The following ZNF850 variants were observed in gnomAD, a reference collection of about 807,000 sequenced individuals.
ZNF850 encodes zinc finger protein 850, also known as putative zinc finger protein ENSP00000330994.
A neutral mutation model predicts 11.9 loss-of-function variants in ZNF850; 2 were observed. The observed-to-expected ratio is 0.17, with a 90% confidence interval of 0.07 to 0.53. ZNF850 has a LOEUF of 0.53. Ranked by LOEUF, ZNF850 falls within the 20% of genes least tolerant of loss-of-function variation. The pLI is 0.94. For missense variants in ZNF850, 1,014 were observed against 1,316.4 expected (o/e 0.77, Z 3.55); for synonymous variants, 381 against 443.0 (o/e 0.86, Z 1.76).
intron 4 of ZNF850, among the ~76,000 whole-genome samples, chr19:36,754,436 A>G (rs1001674005): frequency 6.6e-6 from 1 of 152,216 alleles, no homozygotes; most frequent in Non-Finnish European, 1.5e-5. Flanking sequence ...TTCATTCACC[A>G]AAAAGATATA....
intron 4 of ZNF850, among the ~76,000 whole-genome samples, chr19:36,755,750 T>C (rs1476621635): frequency 6.7e-6 from 1 of 149,244 alleles, no homozygotes; most frequent in Non-Finnish European, 1.5e-5. Flanking sequence ...GGAAATCACA[T>C]GAAGAAAAAA....
intron 1 of ZNF850, 138 bp from the exon 2 acceptor site, chr19:36,762,813 A>T: frequency 1.7e-6 from 1 of 584,242 alleles, no homozygotes; most frequent in Admixed American, 3.3e-5. Flanking sequence ...TACTATTTAC[A>T]ACAAAAGCTT....
intron 4 of ZNF850, among the ~76,000 whole-genome samples, chr19:36,753,634 C>G (rs1040508505): frequency 6.6e-6 from 1 of 150,832 alleles, no homozygotes; most frequent in South Asian, 2.1e-4. Flanking sequence ...ATAATAAGAA[C>G]AAAATGGACA....
At position 36,749,388 on chromosome 19, in the gene ZNF850, T is replaced by A. The variant is rs2040436711; in HGVS notation, c.1652A>T (p.His551Leu). Residue 551 changes from histidine (H) to leucine (L), a missense_variant, in exon 5 of 5, where the codon CAT becomes CTT. His to Leu is a moderately conservative substitution (Grantham distance 99). Around this residue, in one of 2 missense-constraint regions of ZNF850, gnomAD observed 835 missense variants for 1,022.0 expected, o/e 0.82. Transcript: ENST00000591344. ...TTTCTCACCAGTGTGAACTGCCTGA[T>A]GTCCAATTAGCCCTGAGCGAAAAGT... ...SFTFRSGLIG[H>L]QAVHTGEKPY... 2.6e-6 allele frequency: 4 copies of A among 1,549,622 alleles called. No homozygotes were observed. In the East Asian group the frequency reaches 9.6e-5, roughly 37 times the overall value.
chr19:36,747,709 C>CAT lies in ZNF850; in HGVS notation c.*56_*57dup. The CAT allele has an allele frequency of 5.7e-6, 8 of 1,405,742 alleles. No individual in the cohort carries two copies. The highest frequency in any genetic ancestry group is 6.5e-6 in the Non-Finnish European group (7 of 1,070,098). The allele number at this position is 1,405,742 out of a possible 1,614,324, so 87.1% of individuals were successfully genotyped here. The stretch of plus-strand genomic sequence containing the variant: ...ATACACATCCATTGTATTTGACCCA[C>CAT]ATATGGAATCTGCTGATGATCCATG... On this transcript the variant is annotated 3_prime_UTR_variant, in exon 5 of 5. Coordinates refer to ENST00000591344, the MANE Select transcript of ZNF850 (RefSeq NM_001193552.2).
At chr19:36,760,987 A>C (rs576052655) in intron 4 of ZNF850, among the ~76,000 whole-genome samples, 1 of 152,330 alleles carries the variant, frequency 6.6e-6, no homozygotes, top group Admixed American at 6.5e-5. Flanking sequence ...TTTTGAAAAA[A>C]AAATTTTTTA....
In ZNF850 at chr19:36,747,728, A is replaced by T; in HGVS notation, c.*39T>A. On this transcript the variant is annotated 3_prime_UTR_variant, in exon 5 of 5. Coordinates refer to ENST00000591344, the MANE Select transcript of ZNF850 (RefSeq NM_001193552.2). ...GACCCACATATGGAATCTGCTGATG[A>T]TCCATGACAAATGGCATGAGAACAG... 1 of 1,452,282 alleles carries T rather than the reference A, an allele frequency of 6.9e-7. No homozygotes were observed. Among genetic ancestry groups the T allele is most frequent in the Non-Finnish European group, 9.1e-7 (1 of 1,104,346 alleles). 90.0% of individuals were successfully genotyped at this position (1,452,282 alleles called of 1,614,324 possible). A position where few individuals can be genotyped will look rare whatever the true frequency, so the allele number is the denominator to read the frequency against.
At chr19:36,756,807 G>A (rs12986045) in intron 4 of ZNF850, among the ~76,000 whole-genome samples, 2 of 151,898 alleles carry the variant, frequency 1.3e-5, no homozygotes, top group African/African-American at 4.8e-5. Context: ...TAGAGATGGG[G>A]TTTTCACCAT....
chr19:36,750,271 C>G lies in ZNF850; in HGVS notation c.769G>C (p.Glu257Gln), dbSNP rs764254138. 1.8e-5 allele frequency: 28 copies of G among 1,537,016 alleles called. No individual in the cohort carries two copies. Among genetic ancestry groups the G allele is most frequent in the Admixed American group, 9.8e-5 (5 of 50,964 alleles). The change falls in exon 5 of 5, where the codon GAA becomes CAA. Residue 257 changes from glutamate (E) to glutamine (Q), a missense_variant. Transcript: ENST00000591344. ...YTDERPHECQ[E>Q]SVKAFRPSAH... ...GACGGTCTAAAGGCCTTCACGGATT[C>G]CTGACACTCATGAGGTCTCTCATCT...
chr19:36,771,513 G>A (rs928646095), intron 1 of ZNF850, among the ~76,000 whole-genome samples: 2 of 145,672 alleles, frequency 1.4e-5, no homozygotes, highest in Non-Finnish European at 3.0e-5. Flanking sequence ...TGAAGTGAAA[G>A]TTTGGCCCGG....
At position 36,750,788 on chromosome 19, in the gene ZNF850, A is replaced by G; in HGVS notation, c.252T>C (p.Cys84=). The G allele has an allele frequency of 6.6e-7, 1 of 1,511,050 alleles. No homozygotes were observed. The highest frequency in any genetic ancestry group is 8.8e-7 in the Non-Finnish European group (1 of 1,134,418). 93.6% of individuals were successfully genotyped at this position (1,511,050 alleles called of 1,614,324 possible). A position where few individuals can be genotyped will look rare whatever the true frequency, so the allele number is the denominator to read the frequency against. The change falls in exon 5 of 5, where the codon TGT becomes TGC. Residue 84 remains cysteine (C), a synonymous_variant. Coordinates refer to ENST00000591344, the MANE Select transcript of ZNF850 (RefSeq NM_001193552.2). ...GGWCRDSEFR[C]KTKDSCLPKE... is the part of the protein sequence containing the mutation. ...TTGGCAAACATGAATCTTTGGTCTT[A>G]CATCTAAACTCCGAGTCTGAAAAAT...
intron 4 of ZNF850, among the ~76,000 whole-genome samples, chr19:36,756,337 T>A (rs1283056307): frequency 6.6e-6 from 1 of 152,200 alleles, no homozygotes; most frequent in Non-Finnish European, 1.5e-5. Context: ...GAACACATGT[T>A]TTTCTACCCC....
At position 36,748,317 on chromosome 19, in the gene ZNF850, C is replaced by A; in HGVS notation, c.2723G>T (p.Arg908Leu). 6.3e-7 allele frequency: 1 copy of A among 1,587,202 alleles called. No homozygotes were observed. ...DCKECGKAFRRRSKLTQHQRI... is the reference protein window; with the variant it reads ...DCKECGKAFRLRSKLTQHQRI... Reference sequence around the variant, plus strand: ...TTGATGTTGAGTAAGTTTTGAACGACGTCTAAAGGCCTTGCCACATTCCTT... The same window carrying A: ...TTGATGTTGAGTAAGTTTTGAACGAAGTCTAAAGGCCTTGCCACATTCCTT... Residue 908 changes from arginine (R) to leucine (L), a missense_variant, in exon 5 of 5, where the codon CGT becomes CTT. Coordinates refer to ENST00000591344, the MANE Select transcript of ZNF850 (RefSeq NM_001193552.2).
Position 36,761,672 on chromosome 19 carries a change from G to A in ZNF850, c.206C>T (p.Ser69Leu). ...LEQGKEPWMV[S>L]RDVLGGWCRD... ...GCACCATCCTCCCAGCACGTCCCTT[G>A]AAACCATCCAGGGCTCTTTCCCTTG... Residue 69 changes from serine to leucine, a missense_variant, in exon 4 of 5, where the codon TCA (serine) becomes TTA (leucine). This residue lies in a region of ZNF850 where 835 missense variants were observed against 1,022.0 expected (regional missense o/e 0.82). Transcript: ENST00000591344. The A allele has an allele frequency of 6.4e-7, 1 of 1,560,174 alleles. No homozygotes were observed. The highest frequency in any genetic ancestry group is 8.6e-7 in the Non-Finnish European group (1 of 1,159,020).
At chr19:36,756,431 G>A (rs1398510109) in intron 4 of ZNF850, among the ~76,000 whole-genome samples, 1 of 152,154 alleles carries the variant, frequency 6.6e-6, no homozygotes, top group Admixed American at 6.6e-5. Flanking sequence ...TGTGATGTAT[G>A]TGTATCTATG....
At position 36,746,105 on chromosome 19, in the gene ZNF850, CAAG is replaced by C. The variant is rs575781615; in HGVS notation, c.*1659_*1661del. On this transcript the variant is annotated 3_prime_UTR_variant, in exon 5 of 5. Transcript: ENST00000591344. ...AGTGTTACTTTACACAGCTCCTATT[CAAG>C]AAGAAGTTGCTCTGGTTTACACGCC... is the stretch of plus-strand genomic sequence containing the variant. 8.5e-5 allele frequency: 13 copies of C among 152,316 alleles called. No individual in the cohort carries two copies. The highest frequency in any genetic ancestry group is 6.2e-4 in the South Asian group (3 of 4,824). The allele number at this position is 152,316 out of a possible 1,614,324, so 9.4% of individuals were successfully genotyped here.
Position 36,761,689 on chromosome 19 carries a change from T to C in ZNF850, c.189A>G (p.Lys63=), listed in dbSNP as rs773367863. 53 of 1,562,576 alleles carry C rather than the reference T, an allele frequency of 3.4e-5. No individual in the cohort carries two copies. In the African/African-American group the frequency reaches 5.0e-4, roughly 15 times the overall value. ...PDVISLLEQG[K]EPWMVSRDVL... is the part of the protein sequence containing the mutation. Reference sequence around the variant, plus strand: ...CGTCCCTTGAAACCATCCAGGGCTCTTTCCCTTGCTCCAGTAAGGAAATCA... The same window carrying C: ...CGTCCCTTGAAACCATCCAGGGCTCCTTCCCTTGCTCCAGTAAGGAAATCA... Residue 63 remains lysine (K), a synonymous_variant, in exon 4 of 5, where the codon AAA becomes AAG. Transcript: ENST00000591344.
At chr19:36,758,458 GCTC>G (rs944099169) in intron 4 of ZNF850, among the ~76,000 whole-genome samples, 1 of 151,060 alleles carries the variant, frequency 6.6e-6, no homozygotes, top group Non-Finnish European at 1.5e-5. Context: ...TCGGCTCATT[GCTC>G]CTCCTCCTCC....
intron 4 of ZNF850, among the ~76,000 whole-genome samples, chr19:36,759,828 C>T (rs1015823235): frequency 2.6e-5 from 4 of 152,262 alleles, no homozygotes; most frequent in Non-Finnish European, 5.9e-5. Context: ...CTTAAAAGCA[C>T]ATTTTGAAAA....
Sources: gnomAD v4.1 joint callset for allele counts (sites outside exome capture counted in the v4.1 genomes callset) on GRCh38, gnomAD v4.1.1 for gene constraint, gnomAD v4.1.1 regional missense constraint, MANE v1.5 for transcripts, NCBI Gene and HGNC (gene_info 2026-07-23, HGNC 2026-07-21) for gene names.